Variants in ZNF536 observed in about 807,000 individuals in gnomAD.
ZNF536 encodes zinc finger protein 536.
In ZNF536, 13 loss-of-function variants were observed where a neutral mutation model predicts 84.5. The observed-to-expected ratio is 0.15, with a 90% CI of 0.10 to 0.24. The LOEUF is 0.24. Among genes scored for constraint, ZNF536 ranks in the 10% least tolerant of loss-of-function variants. The pLI, the probability that ZNF536 is intolerant of heterozygous loss-of-function variation, is 1.00. For missense variants in ZNF536, 1,536 were observed against 1,747.5 expected, an observed-to-expected ratio of 0.88 and a Z score of 2.16; for synonymous variants, 811 against 742.5, an observed-to-expected ratio of 1.09 and a Z score of -1.50.
chr19:30,639,933 A>T (rs1234723415), intron 1 of ZNF536, among the ~76,000 whole-genome samples: 1 of 152,092 alleles, frequency 6.6e-6, no homozygotes, highest in Non-Finnish European at 1.5e-5. Flanking sequence ...ACTCTATTAC[A>T]CCTTGAAATT....
At chr19:30,335,839 A>G (rs1181352402) in intron 2 of ZNF536, among the ~76,000 whole-genome samples, 1 of 152,162 alleles carries the variant, frequency 6.6e-6, no homozygotes, top group Non-Finnish European at 1.5e-5. Context: ...TCACAGCTCA[A>G]TACTGGGCTG....
At chr19:30,327,602 G>A (rs2047081599) in intron 2 of ZNF536, among the ~76,000 whole-genome samples, 1 of 152,206 alleles carries the variant, frequency 6.6e-6, no homozygotes, top group South Asian at 2.1e-4. Flanking sequence ...AGCAGGCTTT[G>A]TTTGGAAGTT....
At chr19:30,545,527 A>G (rs1328856550) in intron 3 of ZNF536, among the ~76,000 whole-genome samples, 1 of 149,654 alleles carries the variant, frequency 6.7e-6, no homozygotes, top group Non-Finnish European at 1.5e-5. Flanking sequence ...CCTCCCAAGT[A>G]GCTGGGACTA....
chr19:30,582,375 C>CTTTTTTTTT (rs35509271), intron 1 of ZNF536, among the ~76,000 whole-genome samples: 3 of 89,166 alleles, frequency 3.4e-5, no homozygotes, highest in Non-Finnish European at 6.6e-5. Context: ...CCTAGTTTCT[C>CTTTTTTTTT]TTTTTTTTTT....
At chr19:30,265,117 A>G (rs1358936186) in intron 1 of ZNF536, among the ~76,000 whole-genome samples, 3 of 152,078 alleles carry the variant, frequency 2.0e-5, no homozygotes, top group Non-Finnish European at 2.9e-5. Flanking sequence ...GTGTGCCTTC[A>G]GGGTGCTGGC....
downstream of ZNF536, among the ~76,000 whole-genome samples, chr19:30,562,449 T>C (rs2146441375): frequency 6.6e-6 from 1 of 152,266 alleles, no homozygotes; most frequent in Admixed American, 6.5e-5. Context: ...TGTGGAAGTC[T>C]GTTAAAATAG....
chr19:30,353,085 C>A (rs1234101891), intron 3 of ZNF536, among the ~76,000 whole-genome samples: 1 of 152,184 alleles, frequency 6.6e-6, no homozygotes, highest in Non-Finnish European at 1.5e-5. Context: ...ACATTTAAAT[C>A]TTGGCTGTTG....
intron 2 of ZNF536, among the ~76,000 whole-genome samples, chr19:30,455,993 G>A (rs988419024): frequency 2.6e-5 from 4 of 152,176 alleles, no homozygotes; most frequent in Non-Finnish European, 4.4e-5. Context: ...ACCAGCTAAT[G>A]AGTATTTTCG....
chr19:30,472,680 C>G (rs1452967338), intron 2 of ZNF536, among the ~76,000 whole-genome samples: 1 of 152,178 alleles, frequency 6.6e-6, no homozygotes, highest in Admixed American at 6.5e-5. Context: ...ACACCTTTCA[C>G]TCCCTACTTG....
intron 1 of ZNF536, among the ~76,000 whole-genome samples, chr19:30,385,796 C>T (rs1472476586): frequency 6.6e-6 from 1 of 152,180 alleles, no homozygotes; most frequent in Non-Finnish European, 1.5e-5. Flanking sequence ...CTCCTGTCTT[C>T]TGAAATCTGC....
chr19:30,686,557 G>A (rs997292107), intron 1 of ZNF536, among the ~76,000 whole-genome samples: 2 of 152,322 alleles, frequency 1.3e-5, no homozygotes, highest in Middle Eastern at 3.4e-3. Flanking sequence ...AGTGCCAAGT[G>A]GCTGCCGTGC....
rs184549951 is a variant in ZNF536 at position 30,488,361 on chromosome 19, G to C, written c.2170+42629G>C. ...TGAATCTCCTCTAAGCCTGGCTTCG[G>C]GAAGTGCCCGTTGCACCCTGCTACT... On this transcript the variant is annotated intron_variant, in intron 2 of 4. Transcript: ENST00000355537. Among the ~76,000 whole-genome samples, 1,265 of 152,098 alleles carry C rather than the reference G, an allele frequency of 8.3e-3. 9 individuals carry two copies. Among genetic ancestry groups the C allele is most frequent in the Non-Finnish European group, 0.013 (902 of 67,990 alleles).
chr19:30,568,332 C>T (rs980945310), intron 1 of ZNF536, among the ~76,000 whole-genome samples: 1 of 152,226 alleles, frequency 6.6e-6, no homozygotes, highest in Middle Eastern at 3.4e-3. Flanking sequence ...TTCCACCTCA[C>T]GAGACCTTGG....
intron 2 of ZNF536, among the ~76,000 whole-genome samples, chr19:30,528,802 T>C (rs2044689634): frequency 6.6e-6 from 1 of 151,742 alleles, no homozygotes. Context: ...TACGTAGGGG[T>C]CCAGGGACTA....
chr19:30,402,618 C>T (rs917316358), intron 1 of ZNF536, among the ~76,000 whole-genome samples: 1 of 151,740 alleles, frequency 6.6e-6, no homozygotes, highest in African/African-American at 2.4e-5. Context: ...GAACCCTGTA[C>T]GGCTCGACAG....
At chr19:30,637,712 C>A (rs755061271) in intron 1 of ZNF536, among the ~76,000 whole-genome samples, 25 of 152,164 alleles carry the variant, frequency 1.6e-4, no homozygotes, top group Non-Finnish European at 2.8e-4. Context: ...TAGAGCATCA[C>A]CCCTTTTTTC....
chr19:30,363,204 T>C (rs1173245170), intron 3 of ZNF536, among the ~76,000 whole-genome samples: 1 of 152,144 alleles, frequency 6.6e-6, no homozygotes, highest in African/African-American at 2.4e-5. Context: ...GACACAGTAT[T>C]TCCCGACCTA....
intron 1 of ZNF536, among the ~76,000 whole-genome samples, chr19:30,648,547 C>G (rs143414320): frequency 1.3e-5 from 2 of 152,136 alleles, no homozygotes; most frequent in Admixed American, 6.5e-5. Context: ...GCAACTTCCC[C>G]GGATCAAGTG....
Position 30,445,954 on chromosome 19 carries a change from AAAGT to A in ZNF536, c.2170+227_2170+230del, listed in dbSNP as rs1449631897. Among the ~76,000 whole-genome samples the A allele has an allele frequency of 6.6e-6, 1 of 152,062 alleles. No homozygotes were observed. Among genetic ancestry groups the A allele is most frequent in the African/African-American group, 2.4e-5 (1 of 41,398 alleles). Reference sequence around the variant, plus strand: ...CTTCCCTTGAACACTGGCTACCAAGAAAGTAAGTTGAGGCCGGGTGTGGTGGCTC... The same window carrying A: ...CTTCCCTTGAACACTGGCTACCAAGAAAGTTGAGGCCGGGTGTGGTGGCTC... On this transcript the variant is annotated intron_variant, in intron 2 of 4. Transcript: ENST00000355537. The surrounding 1 kb of genome is among the most constrained non-coding windows in gnomAD (Gnocchi z 4.5).
Sources: allele counts gnomAD v4.1 joint callset (sites outside exome capture counted in the v4.1 genomes callset), GRCh38; gene constraint gnomAD v4.1.1; non-coding constraint Gnocchi (gnomAD v3.1); transcripts MANE v1.5; gene names NCBI Gene and HGNC (gene_info 2026-07-23, HGNC 2026-07-21).